The following EYS variants were observed in gnomAD, a reference collection of about 807,000 sequenced individuals.
The protein encoded by EYS is protein eyes shut homolog.
EYS carries 250 observed loss-of-function variants against 282.1 expected under a neutral mutation model. That is an observed-to-expected ratio of 0.89 (90% CI 0.80 to 0.98). The LOEUF (loss-of-function observed/expected upper bound fraction) is 0.98, where lower values mean the gene tolerates loss of function less well. EYS is among the 50% of genes least tolerant of loss of function. The pLI is 0.00. For synonymous variants in EYS, 1,355 were observed against 1,282.9 expected (o/e 1.06, Z -1.20); for missense variants, 4,016 against 3,709.0 (o/e 1.08, Z -2.15).
At position 64,876,114 on chromosome 6, in the gene EYS, G is replaced by A. The variant is rs530262673; in HGVS notation, c.2992+10583C>T. ...ACTTCACCTCTAGATTTACTATAAAGAACAATTTTACTTTGTAATATTACA... is the reference window on the plus strand; with the variant it reads ...ACTTCACCTCTAGATTTACTATAAAAAACAATTTTACTTTGTAATATTACA... On this transcript the variant is annotated intron_variant, in intron 19 of 42. Coordinates refer to ENST00000503581, the MANE Select transcript of EYS (RefSeq NM_001142800.2). Among the ~76,000 whole-genome samples the A allele has an allele frequency of 4.7e-4, 71 of 151,900 alleles. 1 individual carries two copies. The highest frequency in any genetic ancestry group is 1.6e-3 in the African/African-American group (68 of 41,492).
intron 28 of EYS, among the ~76,000 whole-genome samples, chr6:64,398,021 G>C (rs1229757769): frequency 1.3e-5 from 2 of 150,808 alleles, no homozygotes; most frequent in African/African-American, 2.4e-5. Context: ...GTATTTTTCT[G>C]GTCATTTTTT....
intron 37 of EYS, among the ~76,000 whole-genome samples, chr6:63,800,864 T>C (rs139066677): frequency 3.2e-4 from 48 of 152,250 alleles, no homozygotes; most frequent in Middle Eastern, 6.8e-3. Context: ...ATCTTTTGAG[T>C]TGAGACTTAA....
intron 31 of EYS, among the ~76,000 whole-genome samples, chr6:64,130,930 T>C (rs182636839): frequency 6.6e-6 from 1 of 152,232 alleles, no homozygotes; most frequent in East Asian, 1.9e-4. Flanking sequence ...TGAAGTGGCG[T>C]GATCTCAGCT....
At position 63,721,133 on chromosome 6, in the gene EYS, T is replaced by C; in HGVS notation, c.8898A>G (p.Lys2966=). The part of the protein sequence containing the change: ...TAKFMGNSYI[K]YIDPNYRMRN... ...TCATTCTATAATTTGGATCAATGTA[T>C]TTAATGTAAGAATTACCCATAAATT... The change falls in exon 43 of 43, where the codon AAA becomes AAG. Residue 2966 remains lysine (K), a synonymous_variant. Coordinates refer to ENST00000503581, the MANE Select transcript of EYS (RefSeq NM_001142800.2). 6.4e-7 allele frequency: 1 copy of C among 1,551,512 alleles called. No homozygotes were observed. Among genetic ancestry groups the C allele is most frequent in the Non-Finnish European group, 8.7e-7 (1 of 1,146,788 alleles).
At chr6:64,382,412 T>C (rs943113617) in intron 29 of EYS, among the ~76,000 whole-genome samples, 2 of 152,168 alleles carry the variant, frequency 1.3e-5, no homozygotes, top group African/African-American at 2.4e-5. Flanking sequence ...ATCTTGTTAT[T>C]CTCCCCTAAA....
intron 22 of EYS, among the ~76,000 whole-genome samples, chr6:64,791,141 G>A (rs1057370805): frequency 6.6e-6 from 1 of 151,690 alleles, no homozygotes; most frequent in East Asian, 1.9e-4. Flanking sequence ...TGCATAATGT[G>A]CATAAAATAC....
At chr6:65,046,323 A>C (rs567099311) in intron 13 of EYS, among the ~76,000 whole-genome samples, 143 of 152,008 alleles carry the variant, frequency 9.4e-4, no homozygotes, top group Middle Eastern at 6.8e-3. Context: ...TAGAATCAAC[A>C]TTGGTACAGT....
chr6:65,512,279 T>C (rs976403883), intron 2 of EYS, among the ~76,000 whole-genome samples: 1 of 151,870 alleles, frequency 6.6e-6, no homozygotes, highest in African/African-American at 2.4e-5. Context: ...GTTCACGAGG[T>C]CAGGAGATCG....
At position 64,591,451 on chromosome 6, in the gene EYS, A is replaced by C; in HGVS notation, c.4416T>G (p.Tyr1472Ter). 6.4e-7 allele frequency: 1 copy of C among 1,551,368 alleles called. No individual in the cohort carries two copies. Among genetic ancestry groups the C allele is most frequent in the Non-Finnish European group, 8.7e-7 (1 of 1,146,790 alleles). The stretch of plus-strand genomic sequence containing the variant: ...TTCTTGAAATTAAAGAATCAGCTGA[A>C]TATTCTTCAATATCCTCTTGAGCCC... ...SRGAQEDIEE[Y>*]SADSLISRRE... The change falls in exon 26 of 43, where the codon TAT becomes TAG. Residue 1472 changes from tyrosine to a stop codon, truncating the protein, a stop_gained. Transcript: ENST00000503581. LOFTEE classifies it high-confidence loss of function.
intron 22 of EYS, among the ~76,000 whole-genome samples, chr6:64,799,261 T>C (rs955790660): frequency 6.6e-6 from 1 of 151,938 alleles, no homozygotes; most frequent in African/African-American, 2.4e-5. Context: ...TTTACTTCCA[T>C]TTTTTTCTTA....
intron 10 of EYS, among the ~76,000 whole-genome samples, chr6:65,341,405 T>C (rs1038077604): frequency 6.6e-6 from 1 of 151,160 alleles, no homozygotes; most frequent in Non-Finnish European, 1.5e-5. Flanking sequence ...ATCTCTCTAA[T>C]TGGCATAATT....
chr6:64,408,718 G>A (rs1582715756), intron 28 of EYS, among the ~76,000 whole-genome samples: 1 of 152,136 alleles, frequency 6.6e-6, no homozygotes, highest in South Asian at 2.1e-4. Flanking sequence ...CAGAGAATTG[G>A]TAAACTCTGA....
chr6:64,795,521 C>T (rs1774329380), intron 22 of EYS, among the ~76,000 whole-genome samples: 3 of 152,146 alleles, frequency 2.0e-5, no homozygotes, highest in Admixed American at 2.0e-4. Flanking sequence ...CTATTGGGTA[C>T]TTCATGGAAT....
chr6:64,320,710 C>T (rs1278149121), intron 29 of EYS, among the ~76,000 whole-genome samples: 1 of 150,352 alleles, frequency 6.7e-6, no homozygotes, highest in African/African-American at 2.4e-5. Flanking sequence ...CTATTGGCCA[C>T]AGTTTCCCAC....
At chr6:65,672,629 A>G (rs924051290) in intron 1 of EYS, among the ~76,000 whole-genome samples, 1 of 152,150 alleles carries the variant, frequency 6.6e-6, no homozygotes, top group African/African-American at 2.4e-5. Flanking sequence ...TCAAAAAACT[A>G]TCTCCAGAAA....
At chr6:64,809,962 T>C (rs1015524188) in intron 22 of EYS, among the ~76,000 whole-genome samples, 1 of 152,044 alleles carries the variant, frequency 6.6e-6, no homozygotes, top group Non-Finnish European at 1.5e-5. Flanking sequence ...TCCTTTAATC[T>C]ATAATAAATG....
At chr6:65,549,558 G>C (rs1043084240) in intron 2 of EYS, among the ~76,000 whole-genome samples, 2 of 152,174 alleles carry the variant, frequency 1.3e-5, no homozygotes, top group African/African-American at 4.8e-5. Context: ...TCCTAGGGCT[G>C]TCTTTAAGAA....
chr6:64,442,731 G>C lies in EYS; in HGVS notation c.5645-3379C>G, dbSNP rs545787686. Among the ~76,000 whole-genome samples, 3 of 152,294 alleles carry C rather than the reference G, an allele frequency of 2.0e-5. No individual in the cohort carries two copies. In the Middle Eastern group the frequency reaches 0.01, roughly 518 times the overall value. On this transcript the variant is annotated intron_variant, in intron 26 of 42. Transcript: ENST00000503581. Reference sequence around the variant, plus strand: ...TCAGAGGGTGGAAGCCCCAAGCCTTGGAAGCTTCCATGTGGTGTTGAGCCT... The same window carrying C: ...TCAGAGGGTGGAAGCCCCAAGCCTTCGAAGCTTCCATGTGGTGTTGAGCCT...
At chr6:64,912,789 A>T (rs1768043274) in intron 15 of EYS, 46 bp from the exon 16 acceptor site, 1 of 1,261,844 alleles carries the variant, frequency 7.9e-7, no homozygotes, top group Non-Finnish European at 1.0e-6. Context: ...CTCTTTTTCA[A>T]GTTTATTTTT....
Sources: gnomAD v4.1 joint callset for allele counts (sites outside exome capture counted in the v4.1 genomes callset) on GRCh38, gnomAD v4.1.1 for gene constraint, MANE v1.5 for transcripts, NCBI Gene and HGNC (gene_info 2026-07-23, HGNC 2026-07-21) for gene names.